Variants in FOXK2 observed in about 807,000 individuals in gnomAD.
FOXK2 encodes the protein forkhead box protein K2.
A neutral mutation model predicts 53.3 loss-of-function variants in FOXK2; 24 were observed. The observed-to-expected ratio is 0.45, with a 90% CI of 0.33 to 0.63. FOXK2 has a LOEUF of 0.63. Among genes scored for constraint, FOXK2 ranks in the 30% least tolerant of loss-of-function variants. The probability of loss-of-function intolerance (pLI) is 0.03; values close to 1 mark genes in which losing one functional copy is unlikely to be tolerated. For synonymous variants in FOXK2, 505 were observed against 407.1 expected (o/e 1.24, Z -2.89); for missense variants, 952 against 910.5 (o/e 1.05, Z -0.59).
intron 4 of FOXK2, among the ~76,000 whole-genome samples, chr17:82,574,245 C>T (rs2044955531): frequency 6.6e-6 from 1 of 152,110 alleles, no homozygotes; most frequent in African/African-American, 2.4e-5. Flanking sequence ...TTTCATGCCT[C>T]GTGGCTCCAG....
intron 2 of FOXK2, among the ~76,000 whole-genome samples, chr17:82,565,651 C>T (rs546935293): frequency 1.3e-5 from 2 of 152,200 alleles, no homozygotes; most frequent in South Asian, 4.1e-4. Context: ...AACAAAAAAC[C>T]CAGAAAATAG....
intron 4 of FOXK2, among the ~76,000 whole-genome samples, chr17:82,573,566 A>G (rs894601244): frequency 1.7e-5 from 1 of 59,416 alleles, no homozygotes; most frequent in African/African-American, 6.1e-5. Context: ...TCTCTCTCAC[A>G]CACACACACA....
chr17:82,598,000 CAG>C (rs1457668691), intron 8 of FOXK2, among the ~76,000 whole-genome samples: 1 of 152,170 alleles, frequency 6.6e-6, no homozygotes, highest in African/African-American at 2.4e-5. Flanking sequence ...CTAATTGACA[CAG>C]AATAATTGTG....
In FOXK2 at chr17:82,539,013, G is replaced by C. The variant is rs1296265727; in HGVS notation, c.419+18706G>C. 3.9e-5 allele frequency among the ~76,000 whole-genome samples: 6 copies of C among 152,336 alleles called. No individual in the cohort carries two copies. In the East Asian group the frequency reaches 1.2e-3, roughly 29 times the overall value. The stretch of plus-strand genomic sequence containing the variant: ...AATGTTTAAGACTGAGAGGTGATGG[G>C]ATTTCTTTTTGAGGTAGAAAATGTG... On this transcript the variant is annotated intron_variant, in intron 1 of 8. Coordinates refer to ENST00000335255, the MANE Select transcript of FOXK2 (RefSeq NM_004514.4).
chr17:82,585,882 G>C (rs773569787), intron 6 of FOXK2, 22 bp from the exon 7 acceptor site: 1 of 1,598,894 alleles, frequency 6.3e-7, no homozygotes, highest in Middle Eastern at 1.7e-4. Context: ...GTAAGTGTCA[G>C]TCCTGCTGTG....
chr17:82,576,699 C>T (rs1415518116), intron 4 of FOXK2: 17 of 1,069,394 alleles, frequency 1.6e-5, no homozygotes, highest in East Asian at 7.4e-5. Context: ...GTCTAGTCCT[C>T]GGCCTTCTTT....
intron 8 of FOXK2, among the ~76,000 whole-genome samples, chr17:82,597,731 A>G (rs1485729255): frequency 6.6e-6 from 1 of 151,208 alleles, no homozygotes; most frequent in South Asian, 2.1e-4. Flanking sequence ...GCTTACTGCA[A>G]CCTCTGCCTC....
intron 2 of FOXK2, among the ~76,000 whole-genome samples, chr17:82,567,115 C>T (rs1006408955): frequency 3.3e-5 from 5 of 152,134 alleles, no homozygotes; most frequent in South Asian, 2.1e-4. Context: ...TCCTCCCCCC[C>T]ACCTCTCCAT....
chr17:82,558,308 A>C (rs1455958198), intron 1 of FOXK2, among the ~76,000 whole-genome samples: 3 of 152,228 alleles, frequency 2.0e-5, no homozygotes, highest in African/African-American at 7.2e-5. Context: ...GCTGCACTCC[A>C]ACCTGGGCTA....
chr17:82,543,539 T>C (rs1208512814), intron 1 of FOXK2, among the ~76,000 whole-genome samples: 1 of 152,214 alleles, frequency 6.6e-6, no homozygotes, highest in Non-Finnish European at 1.5e-5. Context: ...GCAGCTTCTC[T>C]TTGCTTGTTT....
chr17:82,524,328 A>G (rs1322274079), intron 1 of FOXK2, among the ~76,000 whole-genome samples: 3 of 152,210 alleles, frequency 2.0e-5, no homozygotes, highest in African/African-American at 7.2e-5. Flanking sequence ...TCCAACTTCA[A>G]AATGAATTTA....
chr17:82,532,007 ATTATTTTATT>A (rs562578126), intron 1 of FOXK2, among the ~76,000 whole-genome samples: 1 of 151,056 alleles, frequency 6.6e-6, no homozygotes, highest in African/African-American at 2.4e-5. Context: ...CGCCCGGCTA[ATTATTTTATT>A]TTATTTTATT....
intron 1 of FOXK2, among the ~76,000 whole-genome samples, chr17:82,524,686 C>T (rs994057186): frequency 2.0e-5 from 3 of 152,158 alleles, no homozygotes; most frequent in Non-Finnish European, 4.4e-5. Context: ...TAAGGAAAGG[C>T]AGCGTTTTCC....
Position 82,520,060 on chromosome 17 carries a change from C to A in FOXK2, c.172C>A (p.Arg58Ser). Residue 58 changes from arginine to serine, a missense_variant, in exon 1 of 9, where the codon CGC (arginine) becomes AGC (serine). Transcript: ENST00000335255. ...GAAGAAGCGCTCGGTGACCATCGGC[C>A]GCAACTCGTCGCAGGGCTCGGTGGA... ...LMKKRSVTIG[R>S]NSSQGSVDVS... The A allele has an allele frequency of 6.5e-7, 1 of 1,540,696 alleles. No individual in the cohort carries two copies. The highest frequency in any genetic ancestry group is 1.2e-5 in the South Asian group (1 of 85,392).
Position 82,571,794 on chromosome 17 carries a change from A to G in FOXK2, c.833A>G (p.Gln278Arg). 6 of 1,604,170 alleles carry G rather than the reference A, an allele frequency of 3.7e-6. No homozygotes were observed. The highest frequency in any genetic ancestry group is 2.3e-5 in the East Asian group (1 of 43,526). ...GCGATTACGATGGCTCCCGACAAAC[A>G]GCTCACCCTGAACGGGATTTATACA... The part of the protein sequence containing the change: ...VQAITMAPDK[Q>R]LTLNGIYTHI... Residue 278 changes from glutamine to arginine, a missense_variant, in exon 4 of 9, where the codon CAG becomes CGG. Coordinates refer to ENST00000335255, the MANE Select transcript of FOXK2 (RefSeq NM_004514.4).
rs768937394 is a variant in FOXK2, at chr17:82,586,093, C to A, written c.1469C>A (p.Pro490Gln). 4.7e-5 allele frequency: 76 copies of A among 1,612,660 alleles called. No homozygotes were observed. Among genetic ancestry groups the A allele is most frequent in the Non-Finnish European group, 6.4e-5 (76 of 1,179,974 alleles). Reference protein sequence around the residue: ...VSVTSVAGLAPANTYTVSGQA... With the variant: ...VSVTSVAGLAQANTYTVSGQA... Reference sequence around the variant, plus strand: ...GTCACCAGTGTGGCCGGACTGGCCCCAGCGAACACGTACACTGTCTCTGGA... The same window carrying A: ...GTCACCAGTGTGGCCGGACTGGCCCAAGCGAACACGTACACTGTCTCTGGA... Residue 490 changes from proline (P) to glutamine (Q), a missense_variant, in exon 7 of 9, where the codon CCA becomes CAA. Physicochemically the swap from Pro to Gln is moderately conservative, Grantham distance 76. This residue lies in a region of FOXK2 where 551 missense variants were observed against 385.1 expected (regional missense o/e 1.43). Transcript: ENST00000335255.
At chr17:82,595,704 C>G (rs1395847644) in intron 8 of FOXK2, 2 of 1,188,992 alleles carry the variant, frequency 1.7e-6, no homozygotes, top group Non-Finnish European at 2.2e-6. Flanking sequence ...TGTTATTAAG[C>G]CTGTGTCACT....
chr17:82,593,127 C>T (rs996013378), intron 8 of FOXK2, among the ~76,000 whole-genome samples: 4 of 149,260 alleles, frequency 2.7e-5, no homozygotes, highest in Admixed American at 2.0e-4. Context: ...TGAAAGCAGA[C>T]CCCGTGAAGG....
Position 82,520,121 on chromosome 17 carries a change from G to A in FOXK2, c.233G>A (p.Arg78His). ...SMGHSSFISR[R>H]HLEIFTPPGG... ...GGCCACTCGAGCTTCATCTCCCGGC[G>A]CCACCTCGAGATCTTCACGCCCCCG... Residue 78 changes from arginine (R) to histidine (H), a missense_variant, in exon 1 of 9, where the codon CGC (arginine) becomes CAC (histidine). By Grantham distance (29) the Arg-to-His change is conservative. Coordinates refer to ENST00000335255, the MANE Select transcript of FOXK2 (RefSeq NM_004514.4). 3.3e-6 allele frequency: 5 copies of A among 1,521,900 alleles called. No homozygotes were observed. Among genetic ancestry groups the A allele is most frequent in the South Asian group, 1.2e-5 (1 of 82,954 alleles). The allele number at this position is 1,521,900 out of a possible 1,614,324, so 94.3% of individuals were successfully genotyped here.
Sources: allele counts gnomAD v4.1 joint callset (sites outside exome capture counted in the v4.1 genomes callset), GRCh38; gene constraint gnomAD v4.1.1; regional missense constraint gnomAD v4.1.1; transcripts MANE v1.5; gene names NCBI Gene and HGNC (gene_info 2026-07-23, HGNC 2026-07-21).